The following SRFBP1 variants were observed in gnomAD, a reference collection of about 807,000 sequenced individuals.
SRFBP1 encodes serum response factor binding protein 1, also known as serum response factor-binding protein 1.
SRFBP1 carries 47 observed loss-of-function variants against 45.5 expected under a neutral mutation model. That is an observed-to-expected ratio of 1.03 (90% CI 0.82 to 1.32). The LOEUF (loss-of-function observed/expected upper bound fraction) is 1.32. Ranked by LOEUF, SRFBP1 falls within the 40% of genes most tolerant of loss-of-function variation. The probability of loss-of-function intolerance (pLI) is 0.00; values close to 1 mark genes in which losing one functional copy is unlikely to be tolerated. For missense variants in SRFBP1, 621 were observed against 484.6 expected, an observed-to-expected ratio of 1.28 and a Z score of -2.64; for synonymous variants, 203 against 166.3, an observed-to-expected ratio of 1.22 and a Z score of -1.70.
chr5:122,067,527 A>C (rs1754331464), intron 2 of SRFBP1, among the ~76,000 whole-genome samples: 2 of 152,076 alleles, frequency 1.3e-5, no homozygotes, highest in Non-Finnish European at 2.9e-5. Context: ...CTTCAGAGTC[A>C]CACTCACTGC....
chr5:121,991,489 A>T (rs1752621038), intron 3 of SRFBP1, among the ~76,000 whole-genome samples: 2 of 152,112 alleles, frequency 1.3e-5, no homozygotes, highest in Non-Finnish European at 2.9e-5. Flanking sequence ...GATTCAGAAA[A>T]GCTATGTGTG....
rs560249913 is a variant in SRFBP1, at chr5:122,000,164, A to G, written c.270+5494A>G. On this transcript the variant is annotated intron_variant, in intron 4 of 7. Coordinates refer to ENST00000339397, the MANE Select transcript of SRFBP1 (RefSeq NM_152546.3). ...TTAATTAACCAAAATCTGCTTTCAC[A>G]TAATTTTATGCTGTTTTATATGCAG... 2.2e-4 allele frequency among the ~76,000 whole-genome samples: 33 copies of G among 152,182 alleles called. 1 individual carries two copies. In the South Asian group the frequency reaches 6.8e-3, roughly 32 times the overall value.
intron 3 of SRFBP1, among the ~76,000 whole-genome samples, chr5:121,990,359 C>G (rs922507581): frequency 3.9e-5 from 6 of 152,140 alleles, no homozygotes; most frequent in Admixed American, 3.3e-4. Context: ...TTTTCACTTA[C>G]AAGTAGGAGC....
chr5:121,986,681 C>A (rs1580508179), intron 3 of SRFBP1, among the ~76,000 whole-genome samples: 1 of 152,142 alleles, frequency 6.6e-6, no homozygotes, highest in East Asian at 1.9e-4. Context: ...TCCCATTTGT[C>A]CTTTTCTGGC....
chr5:121,978,235 A>G (rs1752344002), intron 3 of SRFBP1, among the ~76,000 whole-genome samples: 1 of 152,176 alleles, frequency 6.6e-6, no homozygotes, highest in African/African-American at 2.4e-5. Flanking sequence ...CTTACAGAAT[A>G]AGAAACTCAA....
At chr5:122,054,882 A>G (rs900297511) in intron 2 of SRFBP1, among the ~76,000 whole-genome samples, 4 of 152,208 alleles carry the variant, frequency 2.6e-5, no homozygotes, top group African/African-American at 7.2e-5. Context: ...TTTGTTAGTT[A>G]TGTCATTTCT....
chr5:122,070,554 T>C, intron 2 of SRFBP1: 4 of 1,608,702 alleles, frequency 2.5e-6, no homozygotes, highest in Non-Finnish European at 3.4e-6. Context: ...AGTCTATGTC[T>C]GCACCATAGG....
intron 4 of SRFBP1, among the ~76,000 whole-genome samples, chr5:121,998,860 A>G (rs910356220): frequency 1.3e-5 from 2 of 152,164 alleles, no homozygotes; most frequent in African/African-American, 4.8e-5. Flanking sequence ...ACATTTTTCT[A>G]CATCTTCCAC....
chr5:122,000,991 C>T (rs1176210746), intron 4 of SRFBP1, among the ~76,000 whole-genome samples: 3 of 152,096 alleles, frequency 2.0e-5, no homozygotes, highest in Non-Finnish European at 4.4e-5. Context: ...TTGACATACA[C>T]TGACTCTGGA....
downstream of SRFBP1, chr5:122,077,108 C>A: frequency 2.0e-6 from 3 of 1,514,776 alleles, no homozygotes; most frequent in East Asian, 2.3e-5. The surrounding 1 kb of genome is among the most constrained non-coding windows in gnomAD (Gnocchi z 4.9). Context: ...CCCACCGGGA[C>A]TGCAGAGTGG....
chr5:122,056,146 G>A lies in SRFBP1; in HGVS notation n.312-19169G>A, dbSNP rs112774464. Reference sequence around the variant, plus strand: ...TTCTCCCTCTCTCATTTGACTGCCCGTTCTATCTTCTCTCTCTTTTTCCCA... The same window carrying A: ...TTCTCCCTCTCTCATTTGACTGCCCATTCTATCTTCTCTCTCTTTTTCCCA... On this transcript the variant is annotated intron_variant and non_coding_transcript_variant, in intron 2 of 2. Transcript: ENST00000504881. Among the ~76,000 whole-genome samples, 461 of 152,108 alleles carry A rather than the reference G, an allele frequency of 3.0e-3. 2 individuals carry two copies. Among genetic ancestry groups the A allele is most frequent in the African/African-American group, 4.3e-3 (180 of 41,520 alleles).
At chr5:122,010,889 A>G (rs1301066367) in intron 4 of SRFBP1, among the ~76,000 whole-genome samples, 1 of 152,106 alleles carries the variant, frequency 6.6e-6, no homozygotes, top group African/African-American at 2.4e-5. Context: ...TATTTTCAGC[A>G]TTTATTTAAA....
chr5:122,000,731 T>C (rs1752846774), intron 4 of SRFBP1, among the ~76,000 whole-genome samples: 1 of 152,182 alleles, frequency 6.6e-6, no homozygotes, highest in Non-Finnish European at 1.5e-5. Context: ...GTGAATTTGC[T>C]ATTTGTCCAT....
At chr5:122,019,498 G>T (rs1199930776) in intron 5 of SRFBP1, among the ~76,000 whole-genome samples, 157 bp downstream of exon 5, 1 of 151,672 alleles carries the variant, frequency 6.6e-6, no homozygotes, top group Non-Finnish European at 1.5e-5. Context: ...CAGAAAGTGT[G>T]ATCTCTGAAG....
chr5:122,003,205 C>T (rs1484443835), intron 4 of SRFBP1, among the ~76,000 whole-genome samples: 3 of 151,878 alleles, frequency 2.0e-5, no homozygotes, highest in Non-Finnish European at 4.4e-5. Context: ...ATAAGCTGGG[C>T]ATGGTGACAC....
chr5:122,054,160 G>A (rs1754037046), intron 2 of SRFBP1, among the ~76,000 whole-genome samples: 1 of 152,218 alleles, frequency 6.6e-6, no homozygotes, highest in Non-Finnish European at 1.5e-5. Context: ...GGTCCCTTTG[G>A]ACTTGACTGT....
intron 4 of SRFBP1, among the ~76,000 whole-genome samples, chr5:122,004,768 G>A (rs1258263257): frequency 6.6e-6 from 1 of 152,104 alleles, no homozygotes; most frequent in African/African-American, 2.4e-5. Flanking sequence ...GATCTCTTTT[G>A]ATGTATGCAT....
chr5:121,978,854 T>C (rs778274258), intron 3 of SRFBP1, among the ~76,000 whole-genome samples: 31 of 152,194 alleles, frequency 2.0e-4, no homozygotes, highest in Non-Finnish European at 4.4e-4. Context: ...ATCCTGAATA[T>C]TCTTTAAGAT....
intron 2 of SRFBP1, among the ~76,000 whole-genome samples, chr5:122,071,949 G>A (rs1399062845): frequency 6.6e-6 from 1 of 152,102 alleles, no homozygotes; most frequent in East Asian, 1.9e-4. Context: ...ATATTCTGTT[G>A]TTATTATCTA....
Sources: gnomAD v4.1 joint callset for allele counts (sites outside exome capture counted in the v4.1 genomes callset) on GRCh38, gnomAD v4.1.1 for gene constraint, Gnocchi (gnomAD v3.1) non-coding constraint, MANE v1.5 for transcripts, NCBI Gene and HGNC (gene_info 2026-07-23, HGNC 2026-07-21) for gene names.